Variants in ZBTB7A observed in about 807,000 individuals in gnomAD.
ZBTB7A encodes zinc finger and BTB domain containing 7A, also known as zinc finger and BTB domain-containing protein 7A.
A neutral mutation model predicts 26.7 loss-of-function variants in ZBTB7A; 7 were observed. The ratio of observed to expected loss-of-function variants is 0.26; its 90% CI spans 0.15 to 0.49. The LOEUF is 0.49. Ranked by LOEUF, ZBTB7A falls within the 20% of genes least tolerant of loss-of-function variation. ZBTB7A has a pLI of 0.98. For missense variants in ZBTB7A, 617 were observed against 919.5 expected (o/e 0.67, Z 4.25); for synonymous variants, 452 against 441.0 (o/e 1.02, Z -0.31).
Position 4,049,212 on chromosome 19 carries a change from A to ATATATATATATATATATAT in ZBTB7A, c.1263-969_1263-968insATATATATATATATATATA, listed in dbSNP as rs1396362012. ...TATATATATATATATATATATATGTAAGTTTGAGAGATGGGGGTTGAGCTA... is the reference window on the plus strand; with the variant it reads ...TATATATATATATATATATATATGTATATATATATATATATATATAGTTTGAGAGATGGGGGTTGAGCTA... On this transcript the variant is annotated intron_variant, in intron 2 of 2. Transcript: ENST00000322357. Among the ~76,000 whole-genome samples, 11 of 23,326 alleles carry ATATATATATATATATATAT rather than the reference A, an allele frequency of 4.7e-4. 1 individual carries two copies. Among genetic ancestry groups the ATATATATATATATATATAT allele is most frequent in the Non-Finnish European group, 1.1e-3 (6 of 5,694 alleles). 15.3% of individuals were successfully genotyped at this position (23,326 alleles called of 152,430 possible).
chr19:4,051,050 A>G (rs1048751267), intron 2 of ZBTB7A, among the ~76,000 whole-genome samples: 1 of 132,450 alleles, frequency 7.6e-6, no homozygotes. Context: ...GTGAGCTGAG[A>G]TCGTGCCACT....
rs543650142 is a variant in ZBTB7A at position 4,052,726 on chromosome 19, C to A, written c.1262+1245G>T. Among the ~76,000 whole-genome samples the A allele has an allele frequency of 6.6e-6, 1 of 152,316 alleles. No individual in the cohort carries two copies. Among genetic ancestry groups the A allele is most frequent in the South Asian group, 2.1e-4 (1 of 4,832 alleles). ...CCCGCCCCGGATCTACGAGGCCCAG[C>A]CAGCCACCTCTGGACTCCTGAGACC... is the stretch of plus-strand genomic sequence containing the variant. On this transcript the variant is annotated intron_variant, in intron 2 of 2. Transcript: ENST00000322357. The surrounding 1 kb of genome is among the most constrained non-coding windows in gnomAD (Gnocchi z 4.9).
chr19:4,049,333 G>A (rs371707329), intron 2 of ZBTB7A, among the ~76,000 whole-genome samples: 1 of 149,678 alleles, frequency 6.7e-6, no homozygotes, highest in Non-Finnish European at 1.5e-5. Context: ...CACTGCGCCC[G>A]CCATGAACCC....
chr19:4,049,745 C>T (rs1401396431), intron 2 of ZBTB7A, among the ~76,000 whole-genome samples: 1 of 152,150 alleles, frequency 6.6e-6, no homozygotes, highest in African/African-American at 2.4e-5. Context: ...CCTATCTGGG[C>T]TCCACCCTGA....
At position 4,044,534 on chromosome 19, in the gene ZBTB7A, T is replaced by G. The variant is rs1043789193; in HGVS notation, c.*3218A>C. On this transcript the variant is annotated 3_prime_UTR_variant, in exon 3 of 3. Coordinates refer to ENST00000322357, the MANE Select transcript of ZBTB7A (RefSeq NM_015898.4). ...AGACGGGGGCTCCGGCCCGGCCACC[T>G]CCCCGGCCCCCGGGCGCCCCCGCCT... 6.7e-6 allele frequency: 1 copy of G among 149,188 alleles called. No individual in the cohort carries two copies. The highest frequency in any genetic ancestry group is 2.5e-5 in the African/African-American group (1 of 40,596). 9.2% of individuals were successfully genotyped at this position (149,188 alleles called of 1,614,324 possible).
Position 4,054,670 on chromosome 19 carries a change from A to C in ZBTB7A, c.563T>G (p.Phe188Cys). Residue 188 changes from phenylalanine to cysteine, a missense_variant, in exon 2 of 3, where the codon TTT (phenylalanine) becomes TGT (cysteine). By Grantham distance (205) the Phe-to-Cys change is radical (BLOSUM62 -2). Transcript: ENST00000322357. ...AAAASFPWSAFGASDDDLDAT... is the reference protein window; with the variant it reads ...AAAASFPWSACGASDDDLDAT... ...ATCCAGGTCATCATCGGACGCCCCA[A>C]AGGCGGACCACGGGAAGCTGGCAGC... 6.3e-7 allele frequency: 1 copy of C among 1,597,476 alleles called. No homozygotes were observed. The highest frequency in any genetic ancestry group is 8.5e-7 in the Non-Finnish European group (1 of 1,172,544).
rs1250653837 is a variant in ZBTB7A at position 4,054,527 on chromosome 19, C to T, written c.706G>A (p.Glu236Lys). 2 of 1,438,758 alleles carry T rather than the reference C, an allele frequency of 1.4e-6. No individual in the cohort carries two copies. The highest frequency in any genetic ancestry group is 1.8e-6 in the Non-Finnish European group (2 of 1,106,498). 89.1% of individuals were successfully genotyped at this position (1,438,758 alleles called of 1,614,324 possible). A position where few individuals can be genotyped will look rare whatever the true frequency, so the allele number is the denominator to read the frequency against. Residue 236 changes from glutamate to lysine, a missense_variant, in exon 2 of 3, where the codon GAG becomes AAG. By Grantham distance (56) the Glu-to-Lys change is moderately conservative. Transcript: ENST00000322357. ...CACAGACCCGGGTTGCTGTCGCCCT[C>T]GTCCCCGTCCCCCGTCGGGGGCCGC... ...AERPPTGDGD[E>K]GDSNPGLWPE...
At chr19:4,063,669 C>T (rs1418093986) in intron 1 of ZBTB7A, among the ~76,000 whole-genome samples, 1 of 152,208 alleles carries the variant, frequency 6.6e-6, no homozygotes, top group Non-Finnish European at 1.5e-5. Flanking sequence ...CTACTGCCAA[C>T]CTCCGGCCCT....
At chr19:4,050,144 C>T (rs1019702950) in intron 2 of ZBTB7A, among the ~76,000 whole-genome samples, 1 of 152,100 alleles carries the variant, frequency 6.6e-6, no homozygotes, top group Non-Finnish European at 1.5e-5. Flanking sequence ...GGGCTGGTCT[C>T]GGACTCCTGA....
chr19:4,058,414 T>G (rs977647328), intron 1 of ZBTB7A, among the ~76,000 whole-genome samples: 2 of 150,840 alleles, frequency 1.3e-5, no homozygotes, highest in Admixed American at 1.3e-4. Flanking sequence ...GGGGGGACTG[T>G]GTCTGTCCCA....
chr19:4,049,146 ATATG>A (rs1224686378), intron 2 of ZBTB7A, among the ~76,000 whole-genome samples: 1 of 34,652 alleles, frequency 2.9e-5, no homozygotes, highest in Non-Finnish European at 5.4e-5. Flanking sequence ...CTATTAAACT[ATATG>A]TGTGTGTGTG....
rs975998917 is a variant in ZBTB7A, at chr19:4,047,699, T to C, written c.*53A>G. 36 of 1,540,328 alleles carry C rather than the reference T, an allele frequency of 2.3e-5. No homozygotes were observed. Among genetic ancestry groups the C allele is most frequent in the East Asian group, 1.4e-4 (6 of 41,972 alleles). On this transcript the variant is annotated 3_prime_UTR_variant, in exon 3 of 3. Transcript: ENST00000322357. Reference sequence around the variant, plus strand: ...TTGGGGGGGTGGTGGGTGATTTTTTTTCTCTCTCTCTGTCTCTCTCTTTCT... The same window carrying C: ...TTGGGGGGGTGGTGGGTGATTTTTTCTCTCTCTCTCTGTCTCTCTCTTTCT...
chr19:4,050,479 C>G (rs1200517416), intron 2 of ZBTB7A, among the ~76,000 whole-genome samples: 1 of 152,208 alleles, frequency 6.6e-6, no homozygotes, highest in Non-Finnish European at 1.5e-5. Flanking sequence ...TGTCTCGCCC[C>G]ATGGGGGCAG....
Position 4,048,070 on chromosome 19 carries a change from G to A in ZBTB7A, c.1437C>T (p.Asp479=). The A allele has an allele frequency of 6.2e-7, 1 of 1,604,624 alleles. No homozygotes were observed. The highest frequency in any genetic ancestry group is 1.3e-5 in the African/African-American group (1 of 74,266). Residue 479 remains aspartate, a synonymous_variant, in exon 3 of 3, where the codon GAC becomes GAT. Coordinates refer to ENST00000322357, the MANE Select transcript of ZBTB7A (RefSeq NM_015898.4). This position sits in a 1 kb window ranked among gnomAD's most constrained non-coding sequence, Gnocchi z 6.7. The part of the protein sequence containing the change: ...DSCCKTFVRS[D]HLHRHLKKDG... ...CTTTCTTGAGGTGTCTGTGCAGGTG[G>A]TCGGAGCGGACGAAGGTCTTGCAGC...
chr19:4,061,624 C>T (rs755097687), intron 1 of ZBTB7A: 2 of 152,294 alleles, frequency 1.3e-5, no homozygotes, highest in Non-Finnish European at 2.9e-5. Context: ...GGCCATTTTA[C>T]GTGTCCATTT....
intron 1 of ZBTB7A, among the ~76,000 whole-genome samples, chr19:4,066,204 C>A (rs942374089): frequency 3.0e-5 from 4 of 132,596 alleles, no homozygotes; most frequent in Non-Finnish European, 6.5e-5. Context: ...CCCCCTCCCC[C>A]CCATCCCCCA....
At chr19:4,050,058 G>C (rs180744577) in intron 2 of ZBTB7A, among the ~76,000 whole-genome samples, 2 of 152,264 alleles carry the variant, frequency 1.3e-5, no homozygotes, top group African/African-American at 4.8e-5. Context: ...CAAGTAGCTG[G>C]GATTACAGGC....
chr19:4,054,474 G>C lies in ZBTB7A; in HGVS notation c.759C>G (p.Thr253=). 2.2e-6 allele frequency: 3 copies of C among 1,372,914 alleles called. No individual in the cohort carries two copies. In the South Asian group the frequency reaches 5.0e-5, roughly 23 times the overall value. 85.0% of individuals were successfully genotyped at this position (1,372,914 alleles called of 1,614,324 possible). The change falls in exon 2 of 3, where the codon ACC becomes ACG. Residue 253 remains threonine, a synonymous_variant. Coordinates refer to ENST00000322357, the MANE Select transcript of ZBTB7A (RefSeq NM_015898.4). ...CCACCGGCGGCGGAAAGAGACCCCC[G>C]GTGGGGGCGTCCTCATCCCGCTCTG... The part of the protein sequence containing the change: ...LWPERDEDAP[T]GGLFPPPVAP...
chr19:4,051,684 G>A (rs1277741022), intron 2 of ZBTB7A, among the ~76,000 whole-genome samples: 1 of 152,240 alleles, frequency 6.6e-6, no homozygotes, highest in Non-Finnish European at 1.5e-5. Flanking sequence ...AAAGCCCACG[G>A]CAAGGTCTCC....
Sources: gnomAD v4.1 joint callset for allele counts (sites outside exome capture counted in the v4.1 genomes callset) on GRCh38, gnomAD v4.1.1 for gene constraint, Gnocchi (gnomAD v3.1) non-coding constraint, MANE v1.5 for transcripts, NCBI Gene and HGNC (gene_info 2026-07-23, HGNC 2026-07-21) for gene names.